The following CCSER1 variants were observed in gnomAD, a reference collection of about 807,000 sequenced individuals.
CCSER1 encodes serine-rich coiled-coil domain-containing protein 1.
In CCSER1, 41 loss-of-function variants were observed where a neutral mutation model predicts 82.0. The ratio of observed to expected loss-of-function variants is 0.50; its 90% CI spans 0.39 to 0.65. The LOEUF (loss-of-function observed/expected upper bound fraction) is 0.65. Ranked by LOEUF, CCSER1 falls within the 30% of genes least tolerant of loss-of-function variation. The pLI is 0.00. For synonymous variants in CCSER1, 414 were observed against 383.9 expected, an observed-to-expected ratio of 1.08 and a Z score of -0.92; for missense variants, 1,119 against 1,064.2, an observed-to-expected ratio of 1.05 and a Z score of -0.72.
chr4:90,913,818 C>A (rs1424669187), intron 8 of CCSER1, among the ~76,000 whole-genome samples: 3 of 150,304 alleles, frequency 2.0e-5, no homozygotes, highest in Non-Finnish European at 4.5e-5. Context: ...AAATGGAAAA[C>A]AAAAAAAAAG....
At chr4:91,339,057 C>A (rs1747521236) in intron 10 of CCSER1, among the ~76,000 whole-genome samples, 1 of 151,930 alleles carries the variant, frequency 6.6e-6, no homozygotes, top group African/African-American at 2.4e-5. Context: ...GACTTTTGGT[C>A]CAAAATCATT....
At chr4:90,983,492 G>A (rs17017863) in intron 9 of CCSER1, among the ~76,000 whole-genome samples, 7,263 of 151,574 alleles carry the variant, frequency 0.048, 347 homozygotes, top group East Asian at 0.2. Context: ...TAAATCTTTC[G>A]TGGACTCTCT....
At chr4:91,100,157 C>A (rs1022442787) in intron 10 of CCSER1, among the ~76,000 whole-genome samples, 4 of 151,372 alleles carry the variant, frequency 2.6e-5, no homozygotes, top group African/African-American at 9.7e-5. Flanking sequence ...GGGCATGACT[C>A]CCCAGACCCT....
chr4:90,571,283 T>G (rs1177039640), intron 5 of CCSER1, among the ~76,000 whole-genome samples: 1 of 152,230 alleles, frequency 6.6e-6, no homozygotes, highest in Non-Finnish European at 1.5e-5. Flanking sequence ...TTCACTCATA[T>G]GTTTATTGCA....
chr4:91,139,264 A>C (rs556170237), intron 10 of CCSER1, among the ~76,000 whole-genome samples: 1 of 148,750 alleles, frequency 6.7e-6, no homozygotes, highest in African/African-American at 2.5e-5. Flanking sequence ...TATGTACCAC[A>C]TTTTTTTTTT....
At chr4:91,387,706 G>T (rs1751384305) in intron 10 of CCSER1, among the ~76,000 whole-genome samples, 1 of 151,342 alleles carries the variant, frequency 6.6e-6, no homozygotes, top group Admixed American at 6.6e-5. Context: ...TAGATTAAGG[G>T]GAACAAGGAG....
At chr4:90,662,557 A>G (rs891806353) in intron 6 of CCSER1, among the ~76,000 whole-genome samples, 3 of 152,182 alleles carry the variant, frequency 2.0e-5, no homozygotes. Flanking sequence ...GGCACATTTA[A>G]TGCACCTCCC....
At chr4:90,464,016 T>A (rs1422093276) in intron 4 of CCSER1, among the ~76,000 whole-genome samples, 1 of 152,292 alleles carries the variant, frequency 6.6e-6, no homozygotes. Flanking sequence ...TAATTTAAAA[T>A]TTTAGTGTTT....
At chr4:90,544,486 A>AT (rs1250683118) in intron 5 of CCSER1, among the ~76,000 whole-genome samples, 1 of 152,080 alleles carries the variant, frequency 6.6e-6, no homozygotes, top group Non-Finnish European at 1.5e-5. Flanking sequence ...GACAACACTG[A>AT]TTTTCTCTGC....
chr4:91,205,088 A>G (rs1052927090), intron 10 of CCSER1, among the ~76,000 whole-genome samples: 1 of 151,802 alleles, frequency 6.6e-6, no homozygotes, highest in Non-Finnish European at 1.5e-5. Context: ...GATTTATAAG[A>G]TCATTTACTT....
intron 1 of CCSER1, among the ~76,000 whole-genome samples, chr4:90,260,194 G>A (rs1724068648): frequency 6.6e-6 from 1 of 152,120 alleles, no homozygotes; most frequent in South Asian, 2.1e-4. Flanking sequence ...TAATCTAAGA[G>A]GGTTGTATAT....
At chr4:90,233,901 A>G (rs549212455) in intron 1 of CCSER1, among the ~76,000 whole-genome samples, 1 of 152,294 alleles carries the variant, frequency 6.6e-6, no homozygotes, top group East Asian at 1.9e-4. Context: ...ATTGGACACA[A>G]TTAAATTATG....
At chr4:91,098,705 C>A (rs151179179) in intron 10 of CCSER1, among the ~76,000 whole-genome samples, 1,680 of 152,180 alleles carry the variant, frequency 0.011, 29 homozygotes, top group African/African-American at 0.037. Flanking sequence ...CCACGCCCAG[C>A]TAATTTTTTG....
intron 3 of CCSER1, among the ~76,000 whole-genome samples, chr4:90,348,417 A>G (rs994976259): frequency 6.6e-6 from 1 of 152,184 alleles, no homozygotes; most frequent in Non-Finnish European, 1.5e-5. Flanking sequence ...ATTTCATAAA[A>G]CCATATTATT....
chr4:91,590,370 T>G (rs1764206077), intron 10 of CCSER1, among the ~76,000 whole-genome samples: 1 of 152,142 alleles, frequency 6.6e-6, no homozygotes, highest in Admixed American at 6.6e-5. Flanking sequence ...ATTACAGGGC[T>G]TCCTGCTTGC....
chr4:91,466,940 T>C (rs1405140618), intron 10 of CCSER1, among the ~76,000 whole-genome samples: 1 of 152,160 alleles, frequency 6.6e-6, no homozygotes, highest in Non-Finnish European at 1.5e-5. Flanking sequence ...CAAGGTAATT[T>C]ATAGATTCAA....
chr4:90,245,658 G>T (rs1056668891), intron 1 of CCSER1, among the ~76,000 whole-genome samples: 2 of 152,020 alleles, frequency 1.3e-5, no homozygotes, highest in African/African-American at 4.8e-5. Flanking sequence ...TATATATGAA[G>T]AATTTTTAGT....
chr4:90,693,484 G>T (rs1736402135), intron 6 of CCSER1: 1 of 151,834 alleles, frequency 6.6e-6, no homozygotes, highest in South Asian at 2.1e-4. Flanking sequence ...TCATTGGCAG[G>T]GTGAGACTAG....
At chr4:90,870,259 G>T (rs1766290573) in intron 8 of CCSER1, among the ~76,000 whole-genome samples, 2 of 151,680 alleles carry the variant, frequency 1.3e-5, no homozygotes, top group Non-Finnish European at 3.0e-5. Flanking sequence ...GTGTACTCTT[G>T]TTGTGTTCCA....
Sources: gnomAD v4.1 joint callset for allele counts (sites outside exome capture counted in the v4.1 genomes callset) on GRCh38, gnomAD v4.1.1 for gene constraint, MANE v1.5 for transcripts, NCBI Gene and HGNC (gene_info 2026-07-23, HGNC 2026-07-21) for gene names.